CDH9: variants seen among roughly 807,000 people sequenced by gnomAD.
CDH9 encodes cadherin 9.
Under a neutral mutation model 70.9 loss-of-function variants are expected in CDH9, and 28 were observed. The observed-to-expected ratio is 0.40, with a 90% CI of 0.29 to 0.54. CDH9 has a LOEUF of 0.54. CDH9 is among the 20% of genes least tolerant of loss of function. CDH9 has a pLI of 0.59. For synonymous variants in CDH9, 409 were observed against 343.1 expected, an observed-to-expected ratio of 1.19 and a Z score of -2.12; for missense variants, 874 against 984.4, an observed-to-expected ratio of 0.89 and a Z score of 1.50.
intron 1 of CDH9, among the ~76,000 whole-genome samples, chr5:26,994,673 T>G (rs1006755246): frequency 6.6e-6 from 1 of 152,194 alleles, no homozygotes; most frequent in Non-Finnish European, 1.5e-5. Flanking sequence ...GCATTCATTT[T>G]GGATTCCCCA....
At chr5:26,973,065 T>C (rs1742247645) in intron 2 of CDH9, among the ~76,000 whole-genome samples, 1 of 152,136 alleles carries the variant, frequency 6.6e-6, no homozygotes, top group South Asian at 2.1e-4. Flanking sequence ...GGTTTCACCA[T>C]GTTGACCAGG....
chr5:26,941,344 G>C (rs563889553), intron 2 of CDH9, among the ~76,000 whole-genome samples: 1 of 152,280 alleles, frequency 6.6e-6, no homozygotes, highest in East Asian at 1.9e-4. Context: ...CCATATGAGA[G>C]AACTTCCAGA....
chr5:26,993,252 G>A (rs1232741799), intron 1 of CDH9, among the ~76,000 whole-genome samples: 3 of 152,132 alleles, frequency 2.0e-5, no homozygotes, highest in Non-Finnish European at 4.4e-5. Flanking sequence ...TTATAAAGTA[G>A]AAAAGACCTT....
intron 2 of CDH9, among the ~76,000 whole-genome samples, chr5:26,922,053 AAG>A (rs1356518370): frequency 4.0e-5 from 6 of 151,808 alleles, no homozygotes; most frequent in Non-Finnish European, 1.5e-5. Context: ...GAGAGAGAGA[AAG>A]AGAGAATAAA....
intron 9 of CDH9, 58 bp from the exon 10 acceptor site, chr5:26,886,141 C>T (rs1164048423): frequency 6.6e-7 from 1 of 1,516,402 alleles, no homozygotes; most frequent in Admixed American, 2.2e-5. Context: ...CTTGTTATTA[C>T]AAGATATCTT....
chr5:26,994,239 T>C (rs1182904015), intron 1 of CDH9, among the ~76,000 whole-genome samples: 1 of 152,174 alleles, frequency 6.6e-6, no homozygotes, highest in African/African-American at 2.4e-5. Flanking sequence ...ATAGAGTTGA[T>C]GTTGGAATAA....
chr5:26,901,116 G>A (rs976559950), intron 7 of CDH9, among the ~76,000 whole-genome samples: 9 of 151,874 alleles, frequency 5.9e-5, no homozygotes, highest in African/African-American at 2.2e-4. Context: ...TTTACTTTAA[G>A]CAATATGAAC....
chr5:26,901,054 T>A, intron 7 of CDH9, among the ~76,000 whole-genome samples: 1 of 152,012 alleles, frequency 6.6e-6, no homozygotes, highest in East Asian at 1.9e-4. Flanking sequence ...CGCTAGTGCA[T>A]ATACATTGGT....
At chr5:26,949,771 ATAAG>A (rs1292279608) in intron 2 of CDH9, among the ~76,000 whole-genome samples, 1 of 152,244 alleles carries the variant, frequency 6.6e-6, no homozygotes, top group Non-Finnish European at 1.5e-5. Context: ...AAATAAGGAC[ATAAG>A]TAAGTATCTC....
At chr5:26,965,654 A>G (rs1230356684) in intron 2 of CDH9, among the ~76,000 whole-genome samples, 1 of 151,240 alleles carries the variant, frequency 6.6e-6, no homozygotes, top group Admixed American at 6.6e-5. Flanking sequence ...TATGAACAGG[A>G]AACAAAAATT....
intron 2 of CDH9, among the ~76,000 whole-genome samples, chr5:26,955,066 AT>A (rs1240969610): frequency 6.6e-6 from 1 of 152,184 alleles, no homozygotes; most frequent in African/African-American, 2.4e-5. Context: ...TTTTTCATAG[AT>A]TGTTTAGATG....
chr5:26,950,889 GA>G (rs1418947534), intron 2 of CDH9, among the ~76,000 whole-genome samples: 1 of 152,156 alleles, frequency 6.6e-6, no homozygotes, highest in Non-Finnish European at 1.5e-5. Context: ...GCAGAATATA[GA>G]GATGTAATTT....
At chr5:26,915,999 C>G (rs1741142314) in intron 2 of CDH9, 75 bp from the exon 3 acceptor site, 2 of 961,698 alleles carry the variant, frequency 2.1e-6, no homozygotes, top group Non-Finnish European at 3.1e-6. Flanking sequence ...TTGGCGCTAT[C>G]AATTCGTCTC....
chr5:26,921,795 A>G (rs1434228843), intron 2 of CDH9, among the ~76,000 whole-genome samples: 1 of 152,156 alleles, frequency 6.6e-6, no homozygotes, highest in Non-Finnish European at 1.5e-5. Context: ...AGGACTCCAC[A>G]CTTCCCGGTA....
chr5:26,896,700 C>T (rs556768622), intron 7 of CDH9, among the ~76,000 whole-genome samples: 1 of 152,012 alleles, frequency 6.6e-6, no homozygotes, highest in African/African-American at 2.4e-5. Flanking sequence ...GCACTAAATG[C>T]CCACAGGAGA....
chr5:26,982,963 G>A (rs1742425736), intron 2 of CDH9, among the ~76,000 whole-genome samples: 1 of 152,088 alleles, frequency 6.6e-6, no homozygotes, highest in South Asian at 2.1e-4. Flanking sequence ...AGGATTGCAG[G>A]CGTGAGCCAC....
chr5:26,939,580 A>C (rs1741623255), intron 2 of CDH9, among the ~76,000 whole-genome samples: 1 of 152,028 alleles, frequency 6.6e-6, no homozygotes, highest in Non-Finnish European at 1.5e-5. Flanking sequence ...TTAACTCCTA[A>C]TCGATGTGTG....
At chr5:26,918,417 C>G (rs1741184312) in intron 2 of CDH9, among the ~76,000 whole-genome samples, 1 of 152,192 alleles carries the variant, frequency 6.6e-6, no homozygotes, top group Non-Finnish European at 1.5e-5. Flanking sequence ...ACCATGCCCA[C>G]TAAACTGTAA....
At chr5:26,961,867 T>C (rs1280944027) in intron 2 of CDH9, among the ~76,000 whole-genome samples, 1 of 152,166 alleles carries the variant, frequency 6.6e-6, no homozygotes, top group African/African-American at 2.4e-5. Flanking sequence ...GGGATACATG[T>C]GCACAACGTG....
Sources: allele counts gnomAD v4.1 joint callset (sites outside exome capture counted in the v4.1 genomes callset), GRCh38; gene constraint gnomAD v4.1.1; transcripts MANE v1.5; gene names NCBI Gene and HGNC (gene_info 2026-07-23, HGNC 2026-07-21).